The following DNAAF19 variants were observed in gnomAD, a reference collection of about 807,000 sequenced individuals.
DNAAF19 encodes dynein axonemal assembly factor 19.
At chr17:44,905,020 C>G in the DNAAF19 span, 1 of 1,550,082 alleles carries the variant, frequency 6.5e-7, no homozygotes, top group Non-Finnish European at 8.7e-7. Context: ...CCATTCACTT[C>G]TGTCGTTGCT....
the DNAAF19 span, chr17:44,901,638 A>G: frequency 1.1e-5 from 17 of 1,614,046 alleles, no homozygotes; most frequent in Non-Finnish European, 1.4e-5. Flanking sequence ...GGATGTGGCC[A>G]CTGAAATCTC....
the DNAAF19 span, chr17:44,903,545 G>A: frequency 5.9e-6 from 8 of 1,351,130 alleles, no homozygotes; most frequent in Admixed American, 7.1e-5. Context: ...CCATTCTTGG[G>A]TGAGCGCCAG....
the DNAAF19 span, chr17:44,904,412 C>T: frequency 3.9e-6 from 6 of 1,542,432 alleles, no homozygotes; most frequent in Non-Finnish European, 5.3e-6. Context: ...CCTCTGCTAC[C>T]TGCAGAGCCC....
chr17:44,901,131 G>A, the DNAAF19 span: 19 of 1,608,192 alleles, frequency 1.2e-5, no homozygotes, highest in South Asian at 2.1e-4. Context: ...GGCTTCCTAT[G>A]AGGAGTTCAG....
At chr17:44,902,363 A>G in the DNAAF19 span, 9 of 1,614,088 alleles carry the variant, frequency 5.6e-6, no homozygotes, top group East Asian at 2.2e-5. Flanking sequence ...TTTGTGGTCC[A>G]GGAGAAAGCC....
At chr17:44,903,925 CCCTGCTTT>C in the DNAAF19 span, 1 of 1,550,602 alleles carries the variant, frequency 6.4e-7, no homozygotes, top group Non-Finnish European at 8.7e-7. Flanking sequence ...GGACCCCCTG[CCCTGCTTT>C]CCTGATGTTT....
At chr17:44,904,000 C>A in the DNAAF19 span, 1 of 1,550,634 alleles carries the variant, frequency 6.4e-7, no homozygotes, top group Non-Finnish European at 8.7e-7. Flanking sequence ...ACTGCAAACC[C>A]GAAGAGGTGC....
At chr17:44,901,868 G>A in the DNAAF19 span, among the ~76,000 whole-genome samples, 1 of 152,142 alleles carries the variant, frequency 6.6e-6, no homozygotes, top group Non-Finnish European at 1.5e-5. Context: ...GGCAGAATGA[G>A]TCAGAAAGTT....
chr17:44,901,190 A>G, the DNAAF19 span: 2,623 of 1,581,116 alleles, frequency 1.7e-3, 34 homozygotes, highest in African/African-American at 0.032. Flanking sequence ...GGTGGATTAT[A>G]GTAGTTAACT....
the DNAAF19 span, chr17:44,902,658 C>G: frequency 1.2e-6 from 2 of 1,614,126 alleles, no homozygotes; most frequent in Admixed American, 3.3e-5. Context: ...AGAGAGAGAG[C>G]TGCAAGGGCT....
chr17:44,901,336 A>C, the DNAAF19 span, among the ~76,000 whole-genome samples: 5 of 152,266 alleles, frequency 3.3e-5, no homozygotes, highest in African/African-American at 4.8e-5. Flanking sequence ...GAGTTCTTGC[A>C]CATAAGACTG....
At chr17:44,903,363 G>C in the DNAAF19 span, 3 of 1,250,326 alleles carry the variant, frequency 2.4e-6, no homozygotes, top group Non-Finnish European at 3.0e-6. Flanking sequence ...ATCAGCTCAG[G>C]TCCAGCCAGC....
the DNAAF19 span, chr17:44,903,510 C>T: frequency 7.8e-7 from 1 of 1,283,160 alleles, no homozygotes; most frequent in Non-Finnish European, 9.8e-7. Flanking sequence ...CTCGGCCCGC[C>T]CTTCTCATTC....
the DNAAF19 span, chr17:44,903,050 CG>C: frequency 1.2e-5 from 16 of 1,385,088 alleles, no homozygotes; most frequent in African/African-American, 2.2e-4. Context: ...AAGTTGAGAG[CG>C]GTTTTGTTTC....
chr17:44,902,724 C>T, the DNAAF19 span: 1 of 1,612,744 alleles, frequency 6.2e-7, no homozygotes, highest in Admixed American at 1.7e-5. Flanking sequence ...AGGGGCTCAG[C>T]TGGGAGGAGC....
chr17:44,905,135 C>G, the DNAAF19 span: 1 of 1,309,930 alleles, frequency 7.6e-7, no homozygotes, highest in Non-Finnish European at 1.0e-6. Context: ...TACCAGATGT[C>G]TCTGGGTGGG....
chr17:44,905,108 A>T, the DNAAF19 span: 1 of 1,456,544 alleles, frequency 6.9e-7, no homozygotes, highest in Non-Finnish European at 9.3e-7. Flanking sequence ...TTGTCCTTCA[A>T]TGTGTTTGTT....
At chr17:44,901,527 G>A in the DNAAF19 span, 1 of 1,614,130 alleles carries the variant, frequency 6.2e-7, no homozygotes, top group Non-Finnish European at 8.5e-7. Flanking sequence ...CAGGGGTATT[G>A]TCCTTGCATC....
the DNAAF19 span, chr17:44,905,115 T>C: frequency 1.4e-6 from 2 of 1,416,326 alleles, no homozygotes; most frequent in East Asian, 2.5e-5. Context: ...TCAATGTGTT[T>C]GTTAAATGAT....
Sources: allele counts gnomAD v4.1 joint callset (sites outside exome capture counted in the v4.1 genomes callset), GRCh38; gene constraint gnomAD v4.1.1; transcripts MANE v1.5; gene names NCBI Gene and HGNC (gene_info 2026-07-23, HGNC 2026-07-21).